Variants in RAB3B observed in about 807,000 individuals in gnomAD.
RAB3B encodes the protein ras-related protein Rab-3B.
Under a neutral mutation model 20.5 loss-of-function variants are expected in RAB3B, and 11 were observed. The observed-to-expected ratio is 0.54, with a 90% confidence interval of 0.34 to 0.89. The LOEUF is 0.89. Ranked by LOEUF, RAB3B falls within the 40% of genes least tolerant of loss-of-function variation. RAB3B has a pLI of 0.02. For missense variants in RAB3B, 225 were observed against 280.9 expected, an observed-to-expected ratio of 0.80 and a Z score of 1.42; for synonymous variants, 99 against 106.3, an observed-to-expected ratio of 0.93 and a Z score of 0.42.
chr1:51,911,679 T>C lies in RAB3B; in HGVS notation c.*8248A>G, dbSNP rs1684000704. 6.6e-6 allele frequency: 1 copy of C among 152,206 alleles called. No homozygotes were observed. Among genetic ancestry groups the C allele is most frequent in the Admixed American group, 6.5e-5 (1 of 15,268 alleles). The allele number at this position is 152,206 out of a possible 1,614,324, so 9.4% of individuals were successfully genotyped here. The stretch of plus-strand genomic sequence containing the variant: ...TATGTCTCTGCTGCCCTCTGCCTAA[T>C]GGCCTTGTTTTCGCTTACTATAGAC... On this transcript the variant is annotated 3_prime_UTR_variant, in exon 5 of 5. Coordinates refer to ENST00000371655, the MANE Select transcript of RAB3B (RefSeq NM_002867.4).
At chr1:51,953,849 A>G (rs556046106) in intron 2 of RAB3B, among the ~76,000 whole-genome samples, 1 of 152,362 alleles carries the variant, frequency 6.6e-6, no homozygotes, top group Non-Finnish European at 1.5e-5. Flanking sequence ...TATACAGATG[A>G]TTTATTCGAT....
chr1:51,928,429 T>C (rs1335831091), intron 4 of RAB3B, among the ~76,000 whole-genome samples: 2 of 152,146 alleles, frequency 1.3e-5, no homozygotes, highest in Non-Finnish European at 1.5e-5. Flanking sequence ...TAAACACGAA[T>C]TGTTGGCCAT....
rs191621726 is a variant in RAB3B, at chr1:51,935,839, G to A, written c.347+1455C>T. ...AGAGGAGAAAGACCCAAGGTAGAGG[G>A]AAGAAAGAGTTATTTAAAAGGAAGG... On this transcript the variant is annotated intron_variant, in intron 3 of 4. Transcript: ENST00000371655. Among the ~76,000 whole-genome samples the A allele has an allele frequency of 1.4e-3, 214 of 152,190 alleles. 1 individual carries two copies. The highest frequency in any genetic ancestry group is 2.5e-3 in the Non-Finnish European group (167 of 68,002).
chr1:51,959,725 A>C (rs1290125688), intron 2 of RAB3B, among the ~76,000 whole-genome samples: 1 of 152,192 alleles, frequency 6.6e-6, no homozygotes, highest in Non-Finnish European at 1.5e-5. Flanking sequence ...AAGTGGAATA[A>C]ACTAGGGATG....
At chr1:51,936,021 G>C (rs1038367920) in intron 3 of RAB3B, among the ~76,000 whole-genome samples, 5 of 152,158 alleles carry the variant, frequency 3.3e-5, no homozygotes, top group African/African-American at 9.7e-5. Context: ...AGCTGTGTAT[G>C]TGAAGCCAAC....
At chr1:51,985,044 CCTCT>C (rs1462824797) in intron 1 of RAB3B, among the ~76,000 whole-genome samples, 1 of 152,196 alleles carries the variant, frequency 6.6e-6, no homozygotes, top group Admixed American at 6.5e-5. Flanking sequence ...AGTCATATTG[CCTCT>C]CTAAGCCACA....
intron 2 of RAB3B, among the ~76,000 whole-genome samples, chr1:51,951,723 A>C (rs1162797890): frequency 6.6e-6 from 1 of 152,208 alleles, no homozygotes; most frequent in Admixed American, 6.5e-5. Context: ...CTGAGATGGA[A>C]GAATCACTTG....
intron 2 of RAB3B, among the ~76,000 whole-genome samples, chr1:51,954,599 C>G (rs1473908758): frequency 6.6e-6 from 1 of 152,106 alleles, no homozygotes; most frequent in Non-Finnish European, 1.5e-5. Flanking sequence ...ACTGTTGTAG[C>G]TGGAGGACAG....
rs1175688328 is a variant in RAB3B, at chr1:51,908,596, T to C, written c.*11331A>G. 2 of 151,788 alleles carry C rather than the reference T, an allele frequency of 1.3e-5. No individual in the cohort carries two copies. The highest frequency in any genetic ancestry group is 2.9e-5 in the Non-Finnish European group (2 of 68,006). The allele number at this position is 151,788 out of a possible 1,614,324, so 9.4% of individuals were successfully genotyped here. A position where few individuals can be genotyped will look rare whatever the true frequency, so the allele number is the denominator to read the frequency against. On this transcript the variant is annotated 3_prime_UTR_variant, in exon 5 of 5. Transcript: ENST00000371655. ...GTGGGGCTGACAACAATGTGTTCCT[T>C]TCCTTCCTTCTCTCCCACAAGCAGA...
intron 2 of RAB3B, among the ~76,000 whole-genome samples, chr1:51,961,698 G>T (rs998139961): frequency 6.6e-6 from 1 of 152,158 alleles, no homozygotes; most frequent in African/African-American, 2.4e-5. Context: ...TTTACAGAGT[G>T]CTTTACCTAT....
At position 51,937,309 on chromosome 1, in the gene RAB3B, T is replaced by C. The variant is rs774214605; in HGVS notation, c.332A>G (p.Asn111Ser). The C allele has an allele frequency of 4.9e-5, 78 of 1,607,440 alleles. No individual in the cohort carries two copies. Among genetic ancestry groups the C allele is most frequent in the Middle Eastern group, 3.3e-4 (2 of 6,068 alleles). Residue 111 changes from asparagine to serine, a missense_variant, in exon 3 of 5, where the codon AAT (asparagine) becomes AGT (serine). Physicochemically the swap from Asn to Ser is conservative, Grantham distance 46. Transcript: ENST00000371655. ...GGTCTCATACCAGTCTTGGACAGCA[T>C]TGAAGGACTCTTCATTGGTGATGTC... Reference protein sequence around the residue: ...MYDITNEESFNAVQDWATQIK... With the variant: ...MYDITNEESFSAVQDWATQIK...
chr1:51,977,961 C>G (rs1043277296), intron 1 of RAB3B, among the ~76,000 whole-genome samples: 2 of 152,124 alleles, frequency 1.3e-5, no homozygotes, highest in Admixed American at 1.3e-4. Context: ...CCTGTGCTTC[C>G]CTTAGATCTA....
intron 2 of RAB3B, among the ~76,000 whole-genome samples, chr1:51,953,221 T>C (rs1439730808): frequency 2.0e-5 from 3 of 152,152 alleles, no homozygotes; most frequent in Non-Finnish European, 4.4e-5. Flanking sequence ...GCCTCCAAAT[T>C]GACATCAGCA....
At chr1:51,971,579 C>T (rs947044714) in intron 2 of RAB3B, among the ~76,000 whole-genome samples, 12 of 151,972 alleles carry the variant, frequency 7.9e-5, no homozygotes, top group South Asian at 4.2e-4. Context: ...ATTACAGGAG[C>T]CTGCCACCAC....
chr1:51,909,298 G>C lies in RAB3B; in HGVS notation c.*10629C>G, dbSNP rs989557745. The C allele has an allele frequency of 2.0e-5, 3 of 152,170 alleles. No homozygotes were observed. The highest frequency in any genetic ancestry group is 4.4e-5 in the Non-Finnish European group (3 of 68,040). The allele number at this position is 152,170 out of a possible 1,614,324, so 9.4% of individuals were successfully genotyped here. On this transcript the variant is annotated 3_prime_UTR_variant, in exon 5 of 5. Transcript: ENST00000371655. ...GAGACGAATACCATCTATCCCCCTA[G>C]ACTCTCACAGTGGCTCCACCTTAAA...
chr1:51,919,811 C>G lies in RAB3B; in HGVS notation c.*116G>C. 9.3e-7 allele frequency: 1 copy of G among 1,074,014 alleles called. No homozygotes were observed. Among genetic ancestry groups the G allele is most frequent in the Non-Finnish European group, 1.3e-6 (1 of 759,778 alleles). 66.5% of individuals were successfully genotyped at this position (1,074,014 alleles called of 1,614,324 possible). ...AAGAATAGCAGCAACTCATCTTGCT[C>G]TGAGTGTGGGCAGTGTGTAACAGGG... is the stretch of plus-strand genomic sequence containing the variant. On this transcript the variant is annotated 3_prime_UTR_variant, in exon 5 of 5. Transcript: ENST00000371655.
intron 1 of RAB3B, among the ~76,000 whole-genome samples, chr1:51,983,472 T>C (rs973405248): frequency 6.6e-6 from 1 of 152,252 alleles, no homozygotes. Context: ...ATAGGCTATC[T>C]ATTCCATATA....
intron 2 of RAB3B, among the ~76,000 whole-genome samples, chr1:51,962,534 T>C (rs1004103383): frequency 1.3e-5 from 2 of 152,184 alleles, no homozygotes; most frequent in Non-Finnish European, 2.9e-5. Flanking sequence ...ATAATTTGTT[T>C]TGTATTCTCT....
chr1:51,977,788 C>G (rs910859875), intron 1 of RAB3B, among the ~76,000 whole-genome samples: 8 of 152,142 alleles, frequency 5.3e-5, no homozygotes, highest in African/African-American at 1.9e-4. Context: ...GGTAGCAGAG[C>G]AAGACCTCAT....
Sources: allele counts gnomAD v4.1 joint callset (sites outside exome capture counted in the v4.1 genomes callset), GRCh38; gene constraint gnomAD v4.1.1; transcripts MANE v1.5; gene names NCBI Gene and HGNC (gene_info 2026-07-23, HGNC 2026-07-21).